Variants in COPG2 observed in about 807,000 individuals in gnomAD.
The protein encoded by COPG2 is coatomer subunit gamma-2.
COPG2 carries 37 observed loss-of-function variants against 46.3 expected under a neutral mutation model. The ratio of observed to expected loss-of-function variants is 0.80; its 90% CI spans 0.61 to 1.05. COPG2 has a LOEUF of 1.05. Among genes scored for constraint, COPG2 ranks in the 50% least tolerant of loss-of-function variants. The pLI, the probability that COPG2 is intolerant of heterozygous loss-of-function variation, is 0.00. For missense variants in COPG2, 427 were observed against 387.8 expected (o/e 1.10, Z -0.85); for synonymous variants, 159 against 129.7 (o/e 1.23, Z -1.53).
intron 9 of COPG2, among the ~76,000 whole-genome samples, chr7:130,567,238 A>G (rs1793819412): frequency 1.3e-5 from 2 of 152,200 alleles, no homozygotes; most frequent in Admixed American, 6.5e-5. Context: ...ACTGGAGCCT[A>G]CTTGAGGGTG....
intron 20 of COPG2, among the ~76,000 whole-genome samples, chr7:130,538,817 C>G (rs1241748960): frequency 2.0e-5 from 3 of 151,980 alleles, no homozygotes; most frequent in African/African-American, 7.3e-5. Context: ...GTCAAGGGAG[C>G]CTGAGAGGAT....
chr7:130,643,227 G>A (rs924598068), intron 5 of COPG2, among the ~76,000 whole-genome samples: 4 of 151,774 alleles, frequency 2.6e-5, no homozygotes, highest in Admixed American at 1.3e-4. Context: ...CCCGGGAGGC[G>A]GAGCTTGCAC....
intron 9 of COPG2, among the ~76,000 whole-genome samples, chr7:130,602,228 T>C (rs376669376): frequency 1.3e-5 from 2 of 152,326 alleles, no homozygotes; most frequent in South Asian, 2.1e-4. Context: ...TTTCCTGTTG[T>C]CTATTTGAAG....
intron 9 of COPG2, among the ~76,000 whole-genome samples, chr7:130,591,155 C>T (rs1158914808): frequency 3.7e-5 from 5 of 134,138 alleles, no homozygotes; most frequent in African/African-American, 1.4e-4. Flanking sequence ...GGGGTCAGCC[C>T]CCCGCCCGGC....
intron 20 of COPG2, among the ~76,000 whole-genome samples, chr7:130,532,083 CAGACATGT>C (rs1242136550): frequency 6.6e-6 from 1 of 152,176 alleles, no homozygotes; most frequent in African/African-American, 2.4e-5. Flanking sequence ...GAGAGCCGGG[CAGACATGT>C]AGAGTGAGAG....
intron 9 of COPG2, among the ~76,000 whole-genome samples, chr7:130,594,097 GAA>G (rs1794481179): frequency 6.6e-6 from 1 of 152,050 alleles, no homozygotes; most frequent in Non-Finnish European, 1.5e-5. Context: ...GAACAAAGCA[GAA>G]AACCAAGTTA....
chr7:130,611,133 T>C, intron 8 of COPG2, 23 bp from the exon 9 acceptor site: 1 of 1,598,460 alleles, frequency 6.3e-7, no homozygotes, highest in African/African-American at 1.3e-5. Context: ...AAAAAGAAGG[T>C]AGCACATGGA....
At chr7:130,576,642 C>A (rs1794003655) in intron 9 of COPG2, among the ~76,000 whole-genome samples, 2 of 152,044 alleles carry the variant, frequency 1.3e-5, no homozygotes, top group African/African-American at 2.4e-5. Context: ...GTGCCTACAT[C>A]AAAAAGACTG....
chr7:130,605,126 G>T, intron 9 of COPG2: 1 of 500,968 alleles, frequency 2.0e-6, no homozygotes, highest in South Asian at 1.5e-5. Flanking sequence ...ACAGTTCTTC[G>T]AGGCTCTTTA....
chr7:130,524,007 G>A (rs905367311), intron 20 of COPG2, among the ~76,000 whole-genome samples: 5 of 152,114 alleles, frequency 3.3e-5, no homozygotes, highest in South Asian at 4.2e-4. Flanking sequence ...AGGAGTGAGC[G>A]CTGATGACAA....
In COPG2 at chr7:130,657,701, T is replaced by C. The variant is rs557803767; in HGVS notation, c.244-4753A>G. Reference sequence around the variant, plus strand: ...AACTCAATAATAAGAAAATAAACAATCCAATTTTTTTAATGGGCAAAAGAT... The same window carrying C: ...AACTCAATAATAAGAAAATAAACAACCCAATTTTTTTAATGGGCAAAAGAT... On this transcript the variant is annotated intron_variant, in intron 4 of 23. Coordinates refer to ENST00000425248, the MANE Select transcript of COPG2 (RefSeq NM_012133.6). Among the ~76,000 whole-genome samples the C allele has an allele frequency of 3.3e-5, 5 of 151,944 alleles. No individual in the cohort carries two copies. The South Asian group carries it at 6.2e-4, about 19-fold the overall frequency.
chr7:130,590,597 G>A (rs1412297222), intron 9 of COPG2, among the ~76,000 whole-genome samples: 5 of 152,064 alleles, frequency 3.3e-5, no homozygotes, highest in South Asian at 2.1e-4. Context: ...GCATGATCTC[G>A]GCTCGCTACA....
chr7:130,638,976 G>A (rs1795404659), intron 5 of COPG2, among the ~76,000 whole-genome samples: 1 of 152,168 alleles, frequency 6.6e-6, no homozygotes. Context: ...CCCTTGGCTA[G>A]GGGAGGGAGT....
At chr7:130,553,354 CAG>C (rs1793563896) in intron 14 of COPG2, among the ~76,000 whole-genome samples, 1 of 150,236 alleles carries the variant, frequency 6.7e-6, no homozygotes, top group African/African-American at 2.4e-5. Flanking sequence ...TTTTTTTTAG[CAG>C]AGTGTAAAGA....
chr7:130,633,814 T>C (rs371949812), intron 5 of COPG2, among the ~76,000 whole-genome samples: 159 of 152,358 alleles, frequency 1.0e-3, no homozygotes, highest in African/African-American at 3.6e-3. Flanking sequence ...TCCTGAATGG[T>C]ATTACCGAGG....
At chr7:130,562,223 G>A (rs1793731561) in intron 11 of COPG2, among the ~76,000 whole-genome samples, 1 of 152,184 alleles carries the variant, frequency 6.6e-6, no homozygotes, top group Non-Finnish European at 1.5e-5. Flanking sequence ...GCCGGACGTG[G>A]TGGCAGGTGC....
intron 3 of COPG2, among the ~76,000 whole-genome samples, chr7:130,665,386 G>A (rs1178245090): frequency 2.6e-5 from 4 of 152,000 alleles, no homozygotes; most frequent in Admixed American, 6.6e-5. Context: ...TTATGTGTCC[G>A]TCTGTATGTG....
At chr7:130,605,793 C>T (rs1554451143) in intron 9 of COPG2, 3 of 519,720 alleles carry the variant, frequency 5.8e-6, no homozygotes, top group Non-Finnish European at 1.2e-5. Flanking sequence ...CACTTTAGCC[C>T]CATGAGGCCT....
At chr7:130,615,803 T>C (rs868986822) in intron 6 of COPG2, among the ~76,000 whole-genome samples, 19 of 152,332 alleles carry the variant, frequency 1.2e-4, no homozygotes, top group Middle Eastern at 6.8e-3. Context: ...CCTTCAGTGC[T>C]GGCGCTTTCC....
Sources: allele counts gnomAD v4.1 joint callset (sites outside exome capture counted in the v4.1 genomes callset), GRCh38; gene constraint gnomAD v4.1.1; transcripts MANE v1.5; gene names NCBI Gene and HGNC (gene_info 2026-07-23, HGNC 2026-07-21).